Variants in ATF6 observed in about 807,000 individuals in gnomAD.
ATF6 encodes activating transcription factor 6, also known as cyclic AMP-dependent transcription factor ATF-6 alpha.
A neutral mutation model predicts 83.6 loss-of-function variants in ATF6; 53 were observed. The ratio of observed to expected loss-of-function variants is 0.63; its 90% confidence interval spans 0.51 to 0.80. The LOEUF (loss-of-function observed/expected upper bound fraction) is 0.80. Among genes scored for constraint, ATF6 ranks in the 30% least tolerant of loss-of-function variants. The probability of loss-of-function intolerance (pLI) is 0.00; values close to 1 mark genes in which losing one functional copy is unlikely to be tolerated. For synonymous variants in ATF6, 288 were observed against 285.8 expected (o/e 1.01, Z -0.08); for missense variants, 744 against 797.9 (o/e 0.93, Z 0.81).
chr1:161,839,672 C>T (rs1180918970), intron 9 of ATF6, among the ~76,000 whole-genome samples: 1 of 152,188 alleles, frequency 6.6e-6, no homozygotes, highest in Admixed American at 6.5e-5. Context: ...TGTTCCCTGC[C>T]AGGACTGTAG....
chr1:161,879,549 C>T (rs1687283113), intron 14 of ATF6, among the ~76,000 whole-genome samples: 1 of 152,046 alleles, frequency 6.6e-6, no homozygotes, highest in Non-Finnish European at 1.5e-5. Flanking sequence ...ATTAACCAAT[C>T]TTGGAGGGGC....
chr1:161,952,083 C>T (rs1390684755), intron 15 of ATF6, among the ~76,000 whole-genome samples: 1 of 152,166 alleles, frequency 6.6e-6, no homozygotes, highest in Non-Finnish European at 1.5e-5. Flanking sequence ...CACAAACCTT[C>T]TCTTTTCCCA....
At chr1:161,955,041 C>T (rs1189941721) in intron 15 of ATF6, among the ~76,000 whole-genome samples, 1 of 152,164 alleles carries the variant, frequency 6.6e-6, no homozygotes, top group African/African-American at 2.4e-5. Context: ...TCAGTCTTTG[C>T]ACATAACTCA....
chr1:161,826,946 T>TA (rs907676479), intron 9 of ATF6, among the ~76,000 whole-genome samples: 1 of 150,824 alleles, frequency 6.6e-6, no homozygotes, highest in African/African-American at 2.4e-5. Flanking sequence ...TTTTTTTTTT[T>TA]TTTGAGATGG....
intron 14 of ATF6, among the ~76,000 whole-genome samples, chr1:161,885,863 G>C (rs1456670528): frequency 6.6e-6 from 1 of 152,088 alleles, no homozygotes; most frequent in African/African-American, 2.4e-5. Flanking sequence ...ACTGGGATAG[G>C]AACTATAAAA....
chr1:161,961,067 G>A lies in ATF6; in HGVS notation c.*2413G>A, dbSNP rs752284807. The A allele has an allele frequency of 1.3e-5, 2 of 152,134 alleles. No homozygotes were observed. The highest frequency in any genetic ancestry group is 1.9e-4 in the East Asian group (1 of 5,192). The allele number at this position is 152,134 out of a possible 1,614,324, so 9.4% of individuals were successfully genotyped here. A position where few individuals can be genotyped will look rare whatever the true frequency, so the allele number is the denominator to read the frequency against. Reference sequence around the variant, plus strand: ...ATCTCGTGGCCTTCTTGTTCTTAGCGCTTCACTTTTACTTCATCCCTCGAT... The same window carrying A: ...ATCTCGTGGCCTTCTTGTTCTTAGCACTTCACTTTTACTTCATCCCTCGAT... On this transcript the variant is annotated 3_prime_UTR_variant, in exon 16 of 16. Transcript: ENST00000367942.
chr1:161,866,743 T>TTTTG lies in ATF6; in HGVS notation c.1719+3451_1719+3454dup, dbSNP rs531944067. ...AAAATCCAATTAAGTTTAATGCCTT[T>TTTTG]TTTGTTTGTTTGTTTGTTTGTTTTA... On this transcript the variant is annotated intron_variant, in intron 14 of 15. Coordinates refer to ENST00000367942, the MANE Select transcript of ATF6 (RefSeq NM_007348.4). Among the ~76,000 whole-genome samples the TTTTG allele has an allele frequency of 9.2e-4, 140 of 152,218 alleles. 1 individual carries two copies. Among genetic ancestry groups the TTTTG allele is most frequent in the Non-Finnish European group, 1.5e-3 (101 of 68,004 alleles).
At position 161,893,527 on chromosome 1, in the gene ATF6, G is replaced by T. The variant is rs1456026297; in HGVS notation, c.1720-18769G>T. 2.0e-5 allele frequency among the ~76,000 whole-genome samples: 3 copies of T among 152,190 alleles called. No individual in the cohort carries two copies. The East Asian group carries it at 5.8e-4, about 29-fold the overall frequency. ...TGATAACAAGTGAAACTATTCTTTT[G>T]TCGACCTTCTGAAAAGCCTGAGTCT... is the stretch of plus-strand genomic sequence containing the variant. On this transcript the variant is annotated intron_variant, in intron 14 of 15. Transcript: ENST00000367942.
chr1:161,794,966 G>A (rs891745329), intron 6 of ATF6, among the ~76,000 whole-genome samples: 4 of 152,150 alleles, frequency 2.6e-5, no homozygotes, highest in Non-Finnish European at 4.4e-5. Context: ...GATGACTTCC[G>A]TTTTTCTATC....
chr1:161,925,859 TG>T (rs1346905411), intron 15 of ATF6, among the ~76,000 whole-genome samples: 1 of 152,182 alleles, frequency 6.6e-6, no homozygotes, highest in Admixed American at 6.5e-5. Context: ...GCCAAGTGAA[TG>T]AGGCATTCTG....
At chr1:161,917,068 C>T (rs993471698) in intron 15 of ATF6, among the ~76,000 whole-genome samples, 2 of 152,164 alleles carry the variant, frequency 1.3e-5, no homozygotes, top group African/African-American at 4.8e-5. Context: ...CGCCACTTAC[C>T]ACCATATCCC....
At chr1:161,821,521 A>G (rs150158956) in intron 9 of ATF6, among the ~76,000 whole-genome samples, 23 of 152,318 alleles carry the variant, frequency 1.5e-4, no homozygotes, top group Non-Finnish European at 3.2e-4. Flanking sequence ...TGAACATTGA[A>G]CTGTAATATC....
chr1:161,795,136 T>C (rs984381183), intron 6 of ATF6, among the ~76,000 whole-genome samples: 20 of 151,960 alleles, frequency 1.3e-4, no homozygotes, highest in African/African-American at 4.8e-4. Context: ...CTGTATCGCC[T>C]TAAAAAAAAA....
At chr1:161,837,003 A>G (rs1686236556) in intron 9 of ATF6, among the ~76,000 whole-genome samples, 1 of 152,218 alleles carries the variant, frequency 6.6e-6, no homozygotes. Context: ...CATCTTAGTT[A>G]ACATAAAACA....
chr1:161,908,444 C>A (rs1485452998), intron 14 of ATF6, among the ~76,000 whole-genome samples: 2 of 152,130 alleles, frequency 1.3e-5, no homozygotes, highest in Non-Finnish European at 2.9e-5. Context: ...ATGAAAGTAG[C>A]ATATTTTCTC....
At chr1:161,802,832 A>G (rs900009623) in intron 7 of ATF6, among the ~76,000 whole-genome samples, 4 of 152,044 alleles carry the variant, frequency 2.6e-5, no homozygotes, top group Admixed American at 1.3e-4. Context: ...TGTTGTAGGG[A>G]TTTCTTATAA....
chr1:161,818,421 A>G (rs1343904790), intron 7 of ATF6, among the ~76,000 whole-genome samples: 4 of 152,200 alleles, frequency 2.6e-5, no homozygotes, highest in Non-Finnish European at 5.9e-5. Flanking sequence ...TATTGTTGGT[A>G]TTAAACAAAA....
At chr1:161,778,801 T>G (rs1202657443) in intron 2 of ATF6, among the ~76,000 whole-genome samples, 1 of 152,216 alleles carries the variant, frequency 6.6e-6, no homozygotes, top group African/African-American at 2.4e-5. Flanking sequence ...GAGGTCTGTG[T>G]GAAAACTATT....
At chr1:161,866,973 C>G (rs989515555) in intron 14 of ATF6, among the ~76,000 whole-genome samples, 7 of 152,142 alleles carry the variant, frequency 4.6e-5, no homozygotes, top group African/African-American at 1.7e-4. Context: ...TTGTCTTGAA[C>G]TCCTGGACTC....
Sources: allele counts gnomAD v4.1 joint callset (sites outside exome capture counted in the v4.1 genomes callset), GRCh38; gene constraint gnomAD v4.1.1; transcripts MANE v1.5; gene names NCBI Gene and HGNC (gene_info 2026-07-23, HGNC 2026-07-21).